Variants in KIRREL1 observed in about 807,000 individuals in gnomAD.
The protein encoded by KIRREL1 is kirre like nephrin family adhesion molecule 1, also known as kin of IRRE-like protein 1.
Under a neutral mutation model 83.3 loss-of-function variants are expected in KIRREL1, and 25 were observed. The observed-to-expected ratio is 0.30, with a 90% CI of 0.22 to 0.42. The LOEUF (loss-of-function observed/expected upper bound fraction) is 0.42. Among genes scored for constraint, KIRREL1 ranks in the 10% least tolerant of loss-of-function variants. KIRREL1 has a pLI of 1.00. For synonymous variants in KIRREL1, 388 were observed against 410.4 expected (o/e 0.95, Z 0.66); for missense variants, 812 against 1,032.3 (o/e 0.79, Z 2.92).
chr1:158,029,516 A>C (rs1660266190), intron 1 of KIRREL1, among the ~76,000 whole-genome samples: 1 of 152,244 alleles, frequency 6.6e-6, no homozygotes, highest in African/African-American at 2.4e-5. Context: ...TGGGAGTCTT[A>C]TATTTAGATA....
intron 1 of KIRREL1, among the ~76,000 whole-genome samples, chr1:158,026,865 A>AC (rs557713667): frequency 1.3e-4 from 19 of 151,806 alleles, no homozygotes; most frequent in African/African-American, 3.6e-4. Context: ...TCTGCTCTGC[A>AC]CCCCCCCACC....
In KIRREL1 at chr1:158,086,758, G is replaced by C. The variant is rs1264495953; in HGVS notation, c.661+12G>C. On this transcript the variant is annotated intron_variant, in intron 5 of 14. Transcript: ENST00000359209. Reference sequence around the variant, plus strand: ...GCTGGATGTGCACCGTGAGTGGGCTGGGGGGAGCAGTCTGGAGCAGGGGGG... The same window carrying C: ...GCTGGATGTGCACCGTGAGTGGGCTCGGGGGAGCAGTCTGGAGCAGGGGGG... 1 of 1,549,642 alleles carries C rather than the reference G, an allele frequency of 6.5e-7. No homozygotes were observed. The highest frequency in any genetic ancestry group is 1.4e-5 in the African/African-American group (1 of 73,046).
intron 10 of KIRREL1, 41 bp from the exon 11 acceptor site, chr1:158,091,317 C>T: frequency 6.3e-7 from 1 of 1,587,972 alleles, no homozygotes; most frequent in Non-Finnish European, 8.6e-7. Flanking sequence ...GCTTCTGCCC[C>T]CTGCCCCTTT....
chr1:158,029,372 T>TGTGTGTGTGTGTGTGTGTGC (rs1190966368), intron 1 of KIRREL1, among the ~76,000 whole-genome samples: 99 of 149,498 alleles, frequency 6.6e-4, no homozygotes, highest in East Asian at 2.0e-3. Flanking sequence ...TGTGTGCACG[T>TGTGTGTGTGTGTGTGTGTGC]GCGCGCGCAT....
Position 158,095,220 on chromosome 1 carries a change from A to G in KIRREL1, c.*100A>G, listed in dbSNP as rs1272852575. Reference sequence around the variant, plus strand: ...GCATTGCTCATTGCTCCCTTCTCGGACCAGCCTTCTTCCTCCCACCATGGC... The same window carrying G: ...GCATTGCTCATTGCTCCCTTCTCGGGCCAGCCTTCTTCCTCCCACCATGGC... On this transcript the variant is annotated 3_prime_UTR_variant, in exon 15 of 15. Transcript: ENST00000359209. The G allele has an allele frequency of 5.7e-6, 5 of 881,370 alleles. No individual in the cohort carries two copies. In the East Asian group the frequency reaches 1.3e-4, roughly 23 times the overall value. The allele number at this position is 881,370 out of a possible 1,614,324, so 54.6% of individuals were successfully genotyped here.
chr1:158,024,790 C>G (rs1169235278), intron 1 of KIRREL1, among the ~76,000 whole-genome samples: 2 of 152,156 alleles, frequency 1.3e-5, no homozygotes, highest in African/African-American at 4.8e-5. Flanking sequence ...CAGGGTCCAC[C>G]CTGACCTCAG....
At chr1:158,087,924 TGTACTGGGGAG>T in intron 6 of KIRREL1, 64 bp downstream of exon 6, 1 of 1,606,912 alleles carries the variant, frequency 6.2e-7, no homozygotes, top group East Asian at 2.2e-5. Context: ...GGTTAGAGGC[TGTACTGGGGAG>T]GCCAGGTGTC....
At chr1:158,075,761 G>T (rs1661661495) in intron 1 of KIRREL1, among the ~76,000 whole-genome samples, 1 of 152,282 alleles carries the variant, frequency 6.6e-6, no homozygotes, top group East Asian at 1.9e-4. Context: ...CCATTAACTT[G>T]CCCTTGAGTA....
intron 1 of KIRREL1, among the ~76,000 whole-genome samples, chr1:158,046,266 G>A (rs967556507): frequency 6.6e-6 from 1 of 152,180 alleles, no homozygotes; most frequent in Non-Finnish European, 1.5e-5. Flanking sequence ...TTATGGATTG[G>A]ACGAAGGGTG....
intron 1 of KIRREL1, among the ~76,000 whole-genome samples, chr1:158,015,449 T>C (rs1472684366): frequency 2.0e-5 from 3 of 152,248 alleles, no homozygotes; most frequent in African/African-American, 7.2e-5. Context: ...GGAATGGTTT[T>C]GGCCCCTTAA....
chr1:158,082,009 C>T (rs955615679), intron 3 of KIRREL1, among the ~76,000 whole-genome samples: 1 of 152,088 alleles, frequency 6.6e-6, no homozygotes, highest in Non-Finnish European at 1.5e-5. Context: ...ACCAGGAGGC[C>T]CTGAGCAGCA....
intron 10 of KIRREL1, among the ~76,000 whole-genome samples, chr1:158,090,539 T>G (rs1312601429): frequency 6.6e-6 from 1 of 152,142 alleles, no homozygotes; most frequent in Non-Finnish European, 1.5e-5. Context: ...CCCGGGGGGC[T>G]TTCCTTGCAG....
At chr1:158,050,403 G>A (rs1258237270) in intron 1 of KIRREL1, among the ~76,000 whole-genome samples, 1 of 151,958 alleles carries the variant, frequency 6.6e-6, no homozygotes, top group East Asian at 2.0e-4. Context: ...CAACAGTAAA[G>A]CCAGAATTGT....
intron 3 of KIRREL1, among the ~76,000 whole-genome samples, chr1:158,081,045 G>A (rs545510873): frequency 2.1e-5 from 3 of 141,958 alleles, no homozygotes; most frequent in African/African-American, 7.7e-5. Context: ...AGCTCCCCAG[G>A]CCAGGGGCCC....
intron 1 of KIRREL1, among the ~76,000 whole-genome samples, chr1:158,068,194 G>A (rs1386137379): frequency 6.6e-6 from 1 of 152,204 alleles, no homozygotes; most frequent in African/African-American, 2.4e-5. Flanking sequence ...GAGAGCTTTG[G>A]TCGGCAGAGA....
rs534061017 is a variant in KIRREL1 at position 158,025,963 on chromosome 1, G to T, written c.52+32235G>T. 9.3e-4 allele frequency among the ~76,000 whole-genome samples: 142 copies of T among 152,124 alleles called. 1 individual carries two copies. The South Asian group carries it at 0.011, about 12-fold the overall frequency. On this transcript the variant is annotated intron_variant, in intron 1 of 14. Transcript: ENST00000359209. ...TGGGCTGGGGCAGGGGCAAGTAGGA[G>T]TGCTGAGCTGGCAGGACAGCAGATG...
intron 1 of KIRREL1, among the ~76,000 whole-genome samples, chr1:158,051,669 GA>G (rs1338817666): frequency 6.6e-6 from 1 of 151,884 alleles, no homozygotes; most frequent in Non-Finnish European, 1.5e-5. Context: ...CTTTTCCTGG[GA>G]AAAATGCAAG....
intron 1 of KIRREL1, among the ~76,000 whole-genome samples, chr1:158,071,882 G>T (rs1280634340): frequency 6.6e-6 from 1 of 152,032 alleles, no homozygotes; most frequent in African/African-American, 2.4e-5. Context: ...GTTTTTAGTG[G>T]CTTCTTGACA....
intron 1 of KIRREL1, among the ~76,000 whole-genome samples, chr1:158,003,917 G>A (rs971317037): frequency 6.6e-6 from 1 of 152,206 alleles, no homozygotes; most frequent in African/African-American, 2.4e-5. Flanking sequence ...TGTAAAGTCT[G>A]TGCCTGAGGG....
Sources: allele counts gnomAD v4.1 joint callset (sites outside exome capture counted in the v4.1 genomes callset), GRCh38; gene constraint gnomAD v4.1.1; transcripts MANE v1.5; gene names NCBI Gene and HGNC (gene_info 2026-07-23, HGNC 2026-07-21).